The following NAV3 variants were observed in gnomAD, a reference collection of about 807,000 sequenced individuals.
NAV3 encodes neuron navigator 3.
NAV3 carries 87 observed loss-of-function variants against 244.7 expected under a neutral mutation model. The observed-to-expected ratio is 0.36, with a 90% CI of 0.30 to 0.42. The LOEUF is 0.42. NAV3 is among the 20% of genes least tolerant of loss of function. NAV3 has a pLI of 1.00. For synonymous variants in NAV3, 1,126 were observed against 1,042.2 expected (o/e 1.08, Z -1.55); for missense variants, 2,663 against 2,893.3 (o/e 0.92, Z 1.83).
At chr12:78,006,384 G>A (rs377539920) in intron 7 of NAV3, 35 bp from the exon 8 acceptor site, 38 of 1,571,050 alleles carry the variant, frequency 2.4e-5, no homozygotes, top group Middle Eastern at 1.7e-4. Flanking sequence ...AAGATTAATC[G>A]CCTTTTCTTT....
intron 9 of NAV3, among the ~76,000 whole-genome samples, chr12:78,030,362 T>C (rs1477926626): frequency 6.6e-6 from 1 of 152,208 alleles, no homozygotes; most frequent in Non-Finnish European, 1.5e-5. Flanking sequence ...CCTGAATTTA[T>C]TGCCAGGTCC....
At chr12:77,886,187 G>T (rs1883267755) in intron 1 of NAV3, among the ~76,000 whole-genome samples, 3 of 152,070 alleles carry the variant, frequency 2.0e-5, no homozygotes, top group Non-Finnish European at 4.4e-5. Flanking sequence ...ATAGCCGCAG[G>T]GTTAAGCACT....
intron 7 of NAV3, among the ~76,000 whole-genome samples, chr12:78,005,116 C>T (rs941216375): frequency 5.9e-5 from 9 of 152,212 alleles, no homozygotes; most frequent in South Asian, 2.1e-4. Context: ...TCAACCCCAC[C>T]GAAGCTCCCA....
intron 2 of NAV3, among the ~76,000 whole-genome samples, chr12:77,594,597 A>G (rs1870083476): frequency 6.6e-6 from 1 of 152,250 alleles, no homozygotes; most frequent in African/African-American, 2.4e-5. Flanking sequence ...CATAAAACAC[A>G]TAGATGACAA....
At chr12:77,772,910 G>A (rs1870166637) in intron 2 of NAV3, among the ~76,000 whole-genome samples, 2 of 152,084 alleles carry the variant, frequency 1.3e-5, no homozygotes, top group South Asian at 2.1e-4. Context: ...TTCATTGTTG[G>A]CATTATGACT....
chr12:77,912,061 T>A (rs1184311419), intron 1 of NAV3, among the ~76,000 whole-genome samples: 1 of 152,100 alleles, frequency 6.6e-6, no homozygotes, highest in East Asian at 1.9e-4. Context: ...TGGCAAGCAT[T>A]CCTTGAGGCA....
intron 22 of NAV3, among the ~76,000 whole-genome samples, chr12:78,154,144 A>G (rs1288376928): frequency 2.1e-5 from 3 of 142,822 alleles, no homozygotes; most frequent in Admixed American, 1.5e-4. Flanking sequence ...GTGTGTGTAT[A>G]TATGTATATA....
chr12:77,704,504 T>C (rs1031289770), intron 2 of NAV3, among the ~76,000 whole-genome samples: 2 of 152,194 alleles, frequency 1.3e-5, no homozygotes, highest in Non-Finnish European at 2.9e-5. Flanking sequence ...AGAAATCTTA[T>C]GACAATCCAG....
chr12:77,765,642 A>G (rs1869710286), intron 2 of NAV3, among the ~76,000 whole-genome samples: 3 of 152,222 alleles, frequency 2.0e-5, no homozygotes, highest in Non-Finnish European at 1.5e-5. Flanking sequence ...ATTAGAGAAC[A>G]ACTATGACTA....
chr12:78,053,917 G>T (rs543409016), intron 11 of NAV3, among the ~76,000 whole-genome samples: 1 of 152,238 alleles, frequency 6.6e-6, no homozygotes, highest in East Asian at 1.9e-4. Context: ...TATAGAATTT[G>T]TGAATAATGA....
chr12:77,830,135 A>G (rs762249213), upstream of NAV3, among the ~76,000 whole-genome samples: 42 of 152,362 alleles, frequency 2.8e-4, no homozygotes, highest in Non-Finnish European at 2.6e-4. Context: ...AACCAGAAAT[A>G]GAACATGCTA....
chr12:78,151,113 AG>A (rs1957067178), intron 22 of NAV3, among the ~76,000 whole-genome samples: 1 of 152,024 alleles, frequency 6.6e-6, no homozygotes, highest in Admixed American at 6.6e-5. Context: ...AGTGCCAAAT[AG>A]ATAATTCATG....
chr12:78,050,423 C>A (rs1030286200), intron 10 of NAV3, among the ~76,000 whole-genome samples: 2 of 152,182 alleles, frequency 1.3e-5, no homozygotes, highest in Non-Finnish European at 2.9e-5. Flanking sequence ...TGAAATGCAT[C>A]TGGGCAGGGT....
At chr12:77,760,740 AAG>A (rs1869419717) in intron 2 of NAV3, among the ~76,000 whole-genome samples, 1 of 152,164 alleles carries the variant, frequency 6.6e-6, no homozygotes, top group Non-Finnish European at 1.5e-5. Context: ...ACAGCATACA[AAG>A]AGGGGGAAGA....
intron 2 of NAV3, among the ~76,000 whole-genome samples, chr12:77,635,462 C>G (rs565134626): frequency 5.2e-4 from 79 of 152,218 alleles, no homozygotes; most frequent in African/African-American, 1.9e-3. Context: ...TGTAGATAAA[C>G]TTTTCTCCTG....
chr12:77,940,268 T>C (rs746236559), intron 1 of NAV3, 51 bp from the exon 2 acceptor site: 2 of 1,305,154 alleles, frequency 1.5e-6, no homozygotes, highest in Non-Finnish European at 2.2e-6. Context: ...CATTTTATTG[T>C]CTCTGTTTTC....
chr12:77,612,063 A>C (rs1870940750), intron 2 of NAV3, among the ~76,000 whole-genome samples: 1 of 152,096 alleles, frequency 6.6e-6, no homozygotes, highest in Admixed American at 6.6e-5. Flanking sequence ...ACTGTTAGAA[A>C]AAAATGCTTT....
chr12:78,212,089 T>C lies in NAV3; in HGVS notation c.*1572T>C, dbSNP rs1960925972. The C allele has an allele frequency of 1.3e-5, 2 of 152,656 alleles. No individual in the cohort carries two copies. The highest frequency in any genetic ancestry group is 2.4e-5 in the African/African-American group (1 of 41,456). The allele number at this position is 152,656 out of a possible 1,614,324, so 9.5% of individuals were successfully genotyped here. On this transcript the variant is annotated 3_prime_UTR_variant, in exon 40 of 40. Transcript: ENST00000397909. ...CTGTATTTACAGTTGTTTTTGACTA[T>C]GCAGGAGCTATCAGTGCTAGAGTGA...
chr12:77,764,968 A>G (rs1376537984), intron 2 of NAV3, among the ~76,000 whole-genome samples: 1 of 152,254 alleles, frequency 6.6e-6, no homozygotes, highest in East Asian at 1.9e-4. Context: ...ATGGTGCATT[A>G]TCAGTTGTGT....
Sources: gnomAD v4.1 joint callset for allele counts (sites outside exome capture counted in the v4.1 genomes callset) on GRCh38, gnomAD v4.1.1 for gene constraint, MANE v1.5 for transcripts, NCBI Gene and HGNC (gene_info 2026-07-23, HGNC 2026-07-21) for gene names.